GRM7: variants seen among roughly 807,000 people sequenced by gnomAD.
The protein encoded by GRM7 is metabotropic glutamate receptor 7.
Under a neutral mutation model 84.5 loss-of-function variants are expected in GRM7, and 35 were observed. That is an observed-to-expected ratio of 0.41 (90% CI 0.32 to 0.55). The LOEUF is 0.55. Among genes scored for constraint, GRM7 ranks in the 20% least tolerant of loss-of-function variants. The pLI is 0.19. For missense variants in GRM7, 1,003 were observed against 1,194.6 expected (o/e 0.84, Z 2.36); for synonymous variants, 487 against 455.1 (o/e 1.07, Z -0.89).
chr3:7,052,720 G>GTTT (rs372132445), intron 1 of GRM7, among the ~76,000 whole-genome samples: 5 of 101,564 alleles, frequency 4.9e-5, no homozygotes, highest in Admixed American at 9.4e-5. Context: ...AGTATCGGTA[G>GTTT]TTTTTTTTTT....
chr3:6,897,918 A>G (rs1412934557), intron 1 of GRM7, among the ~76,000 whole-genome samples: 1 of 152,168 alleles, frequency 6.6e-6, no homozygotes, highest in Non-Finnish European at 1.5e-5. Flanking sequence ...GCCTCCCCAT[A>G]GAGGCTGTGG....
chr3:7,501,098 G>T (rs1410703933), intron 7 of GRM7, among the ~76,000 whole-genome samples: 3 of 152,152 alleles, frequency 2.0e-5, no homozygotes. Context: ...TATATAGAGT[G>T]TTGACTTTAT....
At chr3:7,509,964 G>C (rs757079081) in intron 7 of GRM7, among the ~76,000 whole-genome samples, 9 of 152,098 alleles carry the variant, frequency 5.9e-5, no homozygotes, top group Non-Finnish European at 1.2e-4. Context: ...GGAAAACTTG[G>C]AACATAAGCC....
intron 9 of GRM7, among the ~76,000 whole-genome samples, chr3:7,695,948 C>T (rs1280104171): frequency 6.6e-6 from 1 of 152,162 alleles, no homozygotes; most frequent in Admixed American, 6.6e-5. Flanking sequence ...AAACATTCGG[C>T]TTCTCAGTTG....
At chr3:7,398,841 G>T (rs1695327498) in intron 4 of GRM7, among the ~76,000 whole-genome samples, 1 of 152,000 alleles carries the variant, frequency 6.6e-6, no homozygotes. Context: ...AGCCAACCCT[G>T]GTTGTTACTA....
At position 6,862,643 on chromosome 3, in the gene GRM7, T is replaced by G; in HGVS notation, c.519+736T>G. The G allele has an allele frequency of 4.4e-6, 1 of 227,572 alleles. No individual in the cohort carries two copies. The highest frequency in any genetic ancestry group is 8.8e-6 in the Non-Finnish European group (1 of 113,522). 14.1% of individuals were successfully genotyped at this position (227,572 alleles called of 1,614,324 possible). ...ACTGGCCGGAGCTGGGCGATCAGCTTTCCACTCCTGCCACTTCAGACCTCA... is the reference window on the plus strand; with the variant it reads ...ACTGGCCGGAGCTGGGCGATCAGCTGTCCACTCCTGCCACTTCAGACCTCA... On this transcript the variant is annotated intron_variant, in intron 1 of 9. Coordinates refer to ENST00000357716, the MANE Select transcript of GRM7 (RefSeq NM_000844.4). The surrounding 1 kb of genome is among the most constrained non-coding windows in gnomAD (Gnocchi z 5.2).
intron 8 of GRM7, among the ~76,000 whole-genome samples, chr3:7,663,171 G>A (rs1269237036): frequency 3.9e-5 from 6 of 152,172 alleles, no homozygotes; most frequent in African/African-American, 7.2e-5. Context: ...AACGCCCTTA[G>A]TATCAGCACC....
At chr3:6,884,015 T>C (rs1173863801) in intron 1 of GRM7, among the ~76,000 whole-genome samples, 1 of 152,228 alleles carries the variant, frequency 6.6e-6, no homozygotes, top group African/African-American at 2.4e-5. Context: ...ATATAAGTTA[T>C]ATTGATGACA....
chr3:6,908,380 T>C (rs1249056060), intron 1 of GRM7, among the ~76,000 whole-genome samples: 1 of 152,224 alleles, frequency 6.6e-6, no homozygotes, highest in African/African-American at 2.4e-5. Flanking sequence ...ATGGACTCAA[T>C]GCACTTAAGC....
chr3:6,969,156 T>C (rs904739307), intron 1 of GRM7, among the ~76,000 whole-genome samples: 1 of 152,060 alleles, frequency 6.6e-6, no homozygotes, highest in African/African-American at 2.4e-5. Context: ...TTTTGCTTGC[T>C]TTTTTTGTTA....
chr3:7,664,978 T>G (rs1470800891), intron 8 of GRM7, among the ~76,000 whole-genome samples: 1 of 152,138 alleles, frequency 6.6e-6, no homozygotes, highest in East Asian at 1.9e-4. Context: ...ATTTGTATAT[T>G]ATTTATTTTT....
chr3:6,998,041 C>T (rs573403414), intron 1 of GRM7, among the ~76,000 whole-genome samples: 82 of 141,010 alleles, frequency 5.8e-4, no homozygotes, highest in Admixed American at 2.0e-3. Context: ...ATCACTTGAA[C>T]CCACAAGGTG....
intron 2 of GRM7, among the ~76,000 whole-genome samples, chr3:7,160,983 T>C (rs1397026581): frequency 6.6e-6 from 1 of 152,188 alleles, no homozygotes; most frequent in Non-Finnish European, 1.5e-5. Flanking sequence ...ATGAATGAAC[T>C]AAATCAGTCT....
intron 2 of GRM7, among the ~76,000 whole-genome samples, chr3:7,204,429 A>G (rs573053818): frequency 7.9e-5 from 12 of 152,358 alleles, no homozygotes; most frequent in African/African-American, 2.9e-4. Context: ...TTATTTAACC[A>G]GTCTTTTTGG....
intron 1 of GRM7, among the ~76,000 whole-genome samples, chr3:7,085,943 A>G (rs1376489434): frequency 6.6e-6 from 1 of 152,210 alleles, no homozygotes; most frequent in Non-Finnish European, 1.5e-5. Context: ...AGTTAATAAA[A>G]TAAAATGTGA....
At chr3:7,450,311 C>T (rs946529064) in intron 5 of GRM7, among the ~76,000 whole-genome samples, 1 of 152,256 alleles carries the variant, frequency 6.6e-6, no homozygotes, top group South Asian at 2.1e-4. Flanking sequence ...GGGAAACAAA[C>T]ATTCAAATCC....
chr3:7,285,775 G>A (rs563142001), intron 2 of GRM7, among the ~76,000 whole-genome samples: 2 of 152,034 alleles, frequency 1.3e-5, no homozygotes, highest in East Asian at 1.9e-4. Context: ...AGGAAAAGAA[G>A]GTTCTTGGTT....
intron 7 of GRM7, among the ~76,000 whole-genome samples, chr3:7,547,308 G>A (rs1249390108): frequency 2.1e-5 from 3 of 140,090 alleles, no homozygotes; most frequent in Admixed American, 7.8e-5. Context: ...CCGGGTTCAC[G>A]CCATTCTCCT....
intron 9 of GRM7, among the ~76,000 whole-genome samples, chr3:7,733,470 C>T (rs79257944): frequency 1.3e-5 from 2 of 152,312 alleles, no homozygotes; most frequent in Admixed American, 6.5e-5. Flanking sequence ...TGTGGGCCTC[C>T]AGTCCACTGC....
Sources: gnomAD v4.1 joint callset for allele counts (sites outside exome capture counted in the v4.1 genomes callset) on GRCh38, gnomAD v4.1.1 for gene constraint, Gnocchi (gnomAD v3.1) non-coding constraint, MANE v1.5 for transcripts, NCBI Gene and HGNC (gene_info 2026-07-23, HGNC 2026-07-21) for gene names.